Variants in TIPARP observed in about 807,000 individuals in gnomAD.
TIPARP encodes the protein TCDD inducible poly(ADP-ribose) polymerase, also known as protein mono-ADP-ribosyltransferase TIPARP.
A neutral mutation model predicts 56.5 loss-of-function variants in TIPARP; 12 were observed. The ratio of observed to expected loss-of-function variants is 0.21; its 90% CI spans 0.14 to 0.34. The LOEUF (loss-of-function observed/expected upper bound fraction) is 0.34, where lower values mean the gene tolerates loss of function less well. Among genes scored for constraint, TIPARP ranks in the 10% least tolerant of loss-of-function variants. TIPARP has a pLI of 1.00. For missense variants in TIPARP, 604 were observed against 781.6 expected (o/e 0.77, Z 2.71); for synonymous variants, 296 against 265.7 (o/e 1.11, Z -1.11).
intron 1 of TIPARP, among the ~76,000 whole-genome samples, chr3:156,676,859 T>C (rs926322521): frequency 6.6e-6 from 1 of 152,186 alleles, no homozygotes. Flanking sequence ...TAAAAATGTA[T>C]GTATGTAACT....
rs1467518859 is a variant in TIPARP at position 156,677,748 on chromosome 3, C to G, written c.51C>G (p.Pro17=). 1 of 1,613,502 alleles carries G rather than the reference C, an allele frequency of 6.2e-7. No homozygotes were observed. The highest frequency in any genetic ancestry group is 8.5e-7 in the Non-Finnish European group (1 of 1,179,798). ...AGCCAGACTGTGTAGTGCAGCCTCC[C>G]TCTCCTCCTGATGACTTTTCATGCC... ...EPEPDCVVQP[P]SPPDDFSCQM... Residue 17 remains proline, a synonymous_variant, in exon 2 of 6, where the codon CCC becomes CCG. Coordinates refer to ENST00000295924, the MANE Select transcript of TIPARP (RefSeq NM_015508.5).
chr3:156,678,230 T>C lies in TIPARP; in HGVS notation c.533T>C (p.Leu178Ser). The change falls in exon 2 of 6, where the codon TTA (leucine) becomes TCA (serine). Residue 178 changes from leucine (L) to serine (S), a missense_variant. Transcript: ENST00000295924. ...SSDVPTSPDC[L>S]DKVIDYVPGI... ...GATGTTCCTACTAGTCCTGACTGCT[T>C]AGACAAAGTCATAGATTATGTTCCA... The C allele has an allele frequency of 6.2e-7, 1 of 1,614,140 alleles. No individual in the cohort carries two copies. The highest frequency in any genetic ancestry group is 8.5e-7 in the Non-Finnish European group (1 of 1,180,030).
chr3:156,683,183 C>G (rs1273130395), intron 2 of TIPARP, among the ~76,000 whole-genome samples: 1 of 152,020 alleles, frequency 6.6e-6, no homozygotes, highest in African/African-American at 2.4e-5. Flanking sequence ...ACTTTTAAAT[C>G]AGACAGTTGG....
At chr3:156,679,067 T>TG (rs1269746181) in intron 2 of TIPARP, among the ~76,000 whole-genome samples, 1 of 152,246 alleles carries the variant, frequency 6.6e-6, no homozygotes, top group Non-Finnish European at 1.5e-5. Context: ...CTCTTCATTT[T>TG]GAATGGTATA....
chr3:156,695,275 A>T (rs1480493896), intron 3 of TIPARP, among the ~76,000 whole-genome samples: 3 of 152,004 alleles, frequency 2.0e-5, no homozygotes. Context: ...GTACAGTGGC[A>T]CAATCATAGC....
chr3:156,689,912 A>G (rs548672341), intron 2 of TIPARP, among the ~76,000 whole-genome samples: 238 of 152,282 alleles, frequency 1.6e-3, no homozygotes, highest in African/African-American at 5.4e-3. Context: ...AGCAGAGGTA[A>G]GCCATCTGCT....
intron 4 of TIPARP, among the ~76,000 whole-genome samples, chr3:156,702,193 T>C (rs1254838635): frequency 1.3e-5 from 2 of 152,082 alleles, no homozygotes; most frequent in South Asian, 2.1e-4. Flanking sequence ...GTGAAACATA[T>C]GGAACTGAAA....
intron 2 of TIPARP, among the ~76,000 whole-genome samples, chr3:156,691,466 C>T (rs1333494609): frequency 6.6e-6 from 1 of 152,136 alleles, no homozygotes; most frequent in East Asian, 1.9e-4. Flanking sequence ...CTTAACGCCC[C>T]TGGAAGACAG....
intron 5 of TIPARP, 139 bp from the exon 6 acceptor site, chr3:156,704,544 CT>C: frequency 1.2e-6 from 1 of 828,110 alleles, no homozygotes. Context: ...TAAGTTTCAA[CT>C]TTTAATAGGA....
intron 2 of TIPARP, among the ~76,000 whole-genome samples, chr3:156,681,850 T>G (rs185146173): frequency 6.6e-6 from 1 of 152,130 alleles, no homozygotes; most frequent in East Asian, 1.9e-4. Flanking sequence ...TGCTGAGGCT[T>G]CTTTTTTGCA....
At chr3:156,690,234 A>G (rs1412674532) in intron 2 of TIPARP, among the ~76,000 whole-genome samples, 1 of 152,052 alleles carries the variant, frequency 6.6e-6, no homozygotes, top group African/African-American at 2.4e-5. Flanking sequence ...TTCATTTAGC[A>G]TCTTTTTCTT....
chr3:156,692,726 A>G (rs1264759033), intron 2 of TIPARP, among the ~76,000 whole-genome samples: 1 of 152,152 alleles, frequency 6.6e-6, no homozygotes, highest in Non-Finnish European at 1.5e-5. Context: ...AAATATTTGT[A>G]TAATCTGTTT....
intron 4 of TIPARP, among the ~76,000 whole-genome samples, chr3:156,696,889 G>A (rs1722727303): frequency 6.6e-6 from 1 of 152,144 alleles, no homozygotes. Context: ...TTGAGGAAAA[G>A]ATACCATTTT....
At chr3:156,690,733 T>C (rs978285529) in intron 2 of TIPARP, among the ~76,000 whole-genome samples, 4 of 152,170 alleles carry the variant, frequency 2.6e-5, no homozygotes, top group Admixed American at 6.6e-5. Flanking sequence ...CTGATACAAA[T>C]AGCAAGATAT....
At position 156,694,108 on chromosome 3, in the gene TIPARP, T is replaced by C; in HGVS notation, c.1006T>C (p.Ser336Pro). 6.2e-7 allele frequency: 1 copy of C among 1,613,646 alleles called. No individual in the cohort carries two copies. The highest frequency in any genetic ancestry group is 8.5e-7 in the Non-Finnish European group (1 of 1,179,758). Residue 336 changes from serine to proline, a missense_variant, in exon 3 of 6, where the codon TCT becomes CCT. Coordinates refer to ENST00000295924, the MANE Select transcript of TIPARP (RefSeq NM_015508.5). ...ACTACGAAGGCTGTCCACACCACCC[T>C]CTAGCAATGTCAACTCTATTTACCA... ...DQLRRLSTPPSSNVNSIYHTV... is the reference protein window; with the variant it reads ...DQLRRLSTPPPSNVNSIYHTV...
At chr3:156,704,260 T>C (rs1722925223) in intron 5 of TIPARP, among the ~76,000 whole-genome samples, 1 of 152,176 alleles carries the variant, frequency 6.6e-6, no homozygotes, top group Non-Finnish European at 1.5e-5. Flanking sequence ...GGTGCTGGAA[T>C]TTGAACCCAG....
In TIPARP at chr3:156,678,275, G is replaced by T; in HGVS notation, c.578G>T (p.Ser193Ile). ...DYVPGIFQEN[S>I]FTIQYILDTS... is the part of the protein sequence containing the mutation. ...GTTCCAGGCATTTTCCAAGAAAACA[G>T]TTTTACAATCCAATACATTCTGGAC... The change falls in exon 2 of 6, where the codon AGT becomes ATT. Residue 193 changes from serine to isoleucine, a missense_variant. Physicochemically the swap from Ser to Ile is moderately radical, Grantham distance 142. Coordinates refer to ENST00000295924, the MANE Select transcript of TIPARP (RefSeq NM_015508.5). 6.2e-7 allele frequency: 1 copy of T among 1,614,168 alleles called. No homozygotes were observed. Among genetic ancestry groups the T allele is most frequent in the African/African-American group, 1.3e-5 (1 of 75,046 alleles).
rs1367477808 is a variant in TIPARP at position 156,680,012 on chromosome 3, C to T, written c.917+1398C>T. On this transcript the variant is annotated intron_variant, in intron 2 of 5. Coordinates refer to ENST00000295924, the MANE Select transcript of TIPARP (RefSeq NM_015508.5). ...TTGTCTTTTAATAATTTTAATATTT[C>T]AGTTATATAGTACATAAATCCATGT... 2.0e-5 allele frequency among the ~76,000 whole-genome samples: 3 copies of T among 152,176 alleles called. No homozygotes were observed. The East Asian group carries it at 5.8e-4, about 29-fold the overall frequency.
At chr3:156,694,474 G>T (rs1304510917) in intron 3 of TIPARP, among the ~76,000 whole-genome samples, 2 of 152,110 alleles carry the variant, frequency 1.3e-5, no homozygotes, top group Non-Finnish European at 2.9e-5. Flanking sequence ...ATTTTGACCT[G>T]TTGCCGCCTG....
Sources: allele counts gnomAD v4.1 joint callset (sites outside exome capture counted in the v4.1 genomes callset), GRCh38; gene constraint gnomAD v4.1.1; transcripts MANE v1.5; gene names NCBI Gene and HGNC (gene_info 2026-07-23, HGNC 2026-07-21).